Variants in PRKN observed in about 807,000 individuals in gnomAD.
PRKN encodes parkin RBR E3 ubiquitin protein ligase, also known as E3 ubiquitin-protein ligase parkin.
A neutral mutation model predicts 59.5 loss-of-function variants in PRKN; 56 were observed. The observed-to-expected ratio is 0.94, with a 90% CI of 0.76 to 1.18. The LOEUF (loss-of-function observed/expected upper bound fraction) is 1.18. Among genes scored for constraint, PRKN ranks in the 50% most tolerant of loss-of-function variants. The pLI, the probability that PRKN is intolerant of heterozygous loss-of-function variation, is 0.00. For synonymous variants in PRKN, 250 were observed against 222.1 expected, an observed-to-expected ratio of 1.13 and a Z score of -1.12; for missense variants, 657 against 596.4, an observed-to-expected ratio of 1.10 and a Z score of -1.06.
chr6:162,404,563 G>A (rs555665404), intron 2 of PRKN, among the ~76,000 whole-genome samples: 1 of 150,886 alleles, frequency 6.6e-6, no homozygotes, highest in South Asian at 2.1e-4. Context: ...ACACTTATGG[G>A]TTTTTGGTTT....
At position 162,355,380 on chromosome 6, in the gene PRKN, C is replaced by T. The variant is rs553170120; in HGVS notation, c.171+87930G>A. On this transcript the variant is annotated intron_variant, in intron 2 of 11. Transcript: ENST00000366898. The stretch of plus-strand genomic sequence containing the variant: ...GAGAACTGGAACTTAAATTTTAACA[C>T]CATCTGTAATCTATCTATCTATCTA... Among the ~76,000 whole-genome samples the T allele has an allele frequency of 3.5e-5, 5 of 143,942 alleles. No homozygotes were observed. In the East Asian group the frequency reaches 9.7e-4, roughly 28 times the overall value. 94.4% of individuals were successfully genotyped at this position (143,942 alleles called of 152,430 possible). A position where few individuals can be genotyped will look rare whatever the true frequency, so the allele number is the denominator to read the frequency against.
intron 9 of PRKN, among the ~76,000 whole-genome samples, chr6:161,513,471 A>C (rs1778470934): frequency 1.9e-5 from 1 of 51,294 alleles, no homozygotes. Context: ...CGATCTCCTG[A>C]CCTCGTTCGT....
chr6:162,656,234 G>A (rs1173842131), intron 1 of PRKN, among the ~76,000 whole-genome samples: 1 of 152,134 alleles, frequency 6.6e-6, no homozygotes, highest in Non-Finnish European at 1.5e-5. Flanking sequence ...GAACTAATTC[G>A]GGATATAGAG....
At chr6:161,868,885 T>C (rs929268027) in intron 6 of PRKN, among the ~76,000 whole-genome samples, 1 of 152,228 alleles carries the variant, frequency 6.6e-6, no homozygotes, top group Non-Finnish European at 1.5e-5. Context: ...GTTCTACTGA[T>C]TTAGACTTCA....
intron 6 of PRKN, among the ~76,000 whole-genome samples, chr6:161,832,801 T>A (rs1430833822): frequency 6.6e-6 from 1 of 151,864 alleles, no homozygotes; most frequent in Non-Finnish European, 1.5e-5. Flanking sequence ...TGGAGAAAGC[T>A]TTGTGGCGGC....
chr6:161,581,782 C>T lies in PRKN; in HGVS notation c.872-12366G>A, dbSNP rs1289517632. On this transcript the variant is annotated intron_variant, in intron 7 of 11. Transcript: ENST00000366898. The surrounding 1 kb of genome is among the most constrained non-coding windows in gnomAD (Gnocchi z 4.5). ...GGGATGGGAAAGTGGTCCTGCCGAG[C>T]TGCTAGTGCAGAGGGTGTGGAAGCC... Among the ~76,000 whole-genome samples the T allele has an allele frequency of 6.6e-6, 1 of 152,182 alleles. No individual in the cohort carries two copies. The highest frequency in any genetic ancestry group is 6.5e-5 in the Admixed American group (1 of 15,270).
chr6:162,468,816 A>G (rs748364047), intron 1 of PRKN, among the ~76,000 whole-genome samples: 3 of 152,216 alleles, frequency 2.0e-5, no homozygotes, highest in Non-Finnish European at 4.4e-5. Context: ...TGTACCATTG[A>G]CATTATTTTT....
At chr6:162,322,956 T>C (rs2128122265) in intron 2 of PRKN, among the ~76,000 whole-genome samples, 1 of 150,974 alleles carries the variant, frequency 6.6e-6, no homozygotes, top group African/African-American at 2.4e-5. Context: ...TCATTCTCAG[T>C]AAACTATCAC....
At position 161,390,474 on chromosome 6, in the gene PRKN, C is replaced by A. The variant is rs189202194; in HGVS notation, c.1084-3597G>T. Among the ~76,000 whole-genome samples the A allele has an allele frequency of 6.0e-4, 92 of 152,228 alleles. No homozygotes were observed. Among genetic ancestry groups the A allele is most frequent in the Middle Eastern group, 3.4e-3 (1 of 294 alleles). The stretch of plus-strand genomic sequence containing the variant: ...ATACCATGTAAACATCCATTTGGAA[C>A]AAAGATGTGATTTATTTATTTATTT... On this transcript the variant is annotated intron_variant, in intron 9 of 11. Transcript: ENST00000366898. This position sits in a 1 kb window ranked among gnomAD's most constrained non-coding sequence, Gnocchi z 7.0.
At chr6:161,970,392 T>A (rs1162962477) in intron 6 of PRKN, among the ~76,000 whole-genome samples, 1 of 118,232 alleles carries the variant, frequency 8.5e-6, no homozygotes, top group Non-Finnish European at 1.8e-5. Flanking sequence ...AAAAGCATGA[T>A]ACGAAACTAT....
chr6:162,604,646 TGACA>T (rs1781838854), intron 1 of PRKN, among the ~76,000 whole-genome samples: 1 of 151,848 alleles, frequency 6.6e-6, no homozygotes, highest in African/African-American at 2.4e-5. Context: ...AGCTCGTGTG[TGACA>T]GACAAACAAT....
At chr6:161,735,054 T>G (rs1055813993) in intron 7 of PRKN, among the ~76,000 whole-genome samples, 9 of 149,954 alleles carry the variant, frequency 6.0e-5, no homozygotes, top group African/African-American at 2.2e-4. Context: ...CCCTCCAGTG[T>G]TAGTTGCTGC....
At chr6:161,789,927 T>C (rs549859770) in intron 6 of PRKN, among the ~76,000 whole-genome samples, 3 of 152,314 alleles carry the variant, frequency 2.0e-5, no homozygotes, top group South Asian at 4.1e-4. Flanking sequence ...AAATTTCTTA[T>C]TGAACATCTA....
At chr6:162,659,954 T>A (rs919938796) in intron 1 of PRKN, among the ~76,000 whole-genome samples, 1 of 152,108 alleles carries the variant, frequency 6.6e-6, no homozygotes, top group African/African-American at 2.4e-5. Context: ...TTATGAAACA[T>A]CAAGAACAAT....
At chr6:162,362,074 A>C (rs1329703462) in intron 2 of PRKN, among the ~76,000 whole-genome samples, 5 of 152,208 alleles carry the variant, frequency 3.3e-5, no homozygotes, top group Non-Finnish European at 7.3e-5. Context: ...AAAAGATCCC[A>C]AACATTTTGC....
chr6:161,801,148 C>A (rs527564282), intron 6 of PRKN, among the ~76,000 whole-genome samples: 1 of 152,180 alleles, frequency 6.6e-6, no homozygotes, highest in Admixed American at 6.5e-5. Context: ...CCACCGGTGA[C>A]GGAGCAGGCA....
intron 5 of PRKN, among the ~76,000 whole-genome samples, chr6:161,985,106 A>G (rs1157028560): frequency 1.3e-5 from 2 of 152,192 alleles, no homozygotes; most frequent in Non-Finnish European, 1.5e-5. Flanking sequence ...GTCTCACCTC[A>G]ACATAATCGC....
chr6:161,482,455 A>G (rs1462003203), intron 9 of PRKN, among the ~76,000 whole-genome samples: 1 of 152,228 alleles, frequency 6.6e-6, no homozygotes, highest in Non-Finnish European at 1.5e-5. Context: ...ATGAATATGA[A>G]GAGATGCATG....
At chr6:161,596,413 T>C (rs1781915128) in intron 7 of PRKN, among the ~76,000 whole-genome samples, 1 of 152,260 alleles carries the variant, frequency 6.6e-6, no homozygotes, top group African/African-American at 2.4e-5. Context: ...TAGTGCTTAT[T>C]GTATAGGAAA....
Sources: allele counts gnomAD v4.1 joint callset (sites outside exome capture counted in the v4.1 genomes callset), GRCh38; gene constraint gnomAD v4.1.1; non-coding constraint Gnocchi (gnomAD v3.1); transcripts MANE v1.5; gene names NCBI Gene and HGNC (gene_info 2026-07-23, HGNC 2026-07-21).